The following GHR variants were observed in gnomAD, a reference collection of about 807,000 sequenced individuals.
GHR encodes the protein GH receptor.
In GHR, 35 loss-of-function variants were observed where a neutral mutation model predicts 67.1. The ratio of observed to expected loss-of-function variants is 0.52; its 90% CI spans 0.40 to 0.69. The LOEUF is 0.69. Among genes scored for constraint, GHR ranks in the 30% least tolerant of loss-of-function variants. GHR has a pLI of 0.00. For missense variants in GHR, 792 were observed against 764.6 expected, an observed-to-expected ratio of 1.04 and a Z score of -0.42; for synonymous variants, 272 against 269.1, an observed-to-expected ratio of 1.01 and a Z score of -0.10.
At chr5:42,592,866 T>C (rs949137107) in intron 2 of GHR, among the ~76,000 whole-genome samples, 3 of 152,236 alleles carry the variant, frequency 2.0e-5, no homozygotes, top group African/African-American at 7.2e-5. Flanking sequence ...ACAAGCAATA[T>C]AAATATTCCT....
chr5:42,440,906 G>A (rs909988487), intron 1 of GHR, among the ~76,000 whole-genome samples: 12 of 152,192 alleles, frequency 7.9e-5, no homozygotes, highest in African/African-American at 2.9e-4. Flanking sequence ...ACACTAGAGG[G>A]AGACCAGGTA....
chr5:42,554,601 T>G (rs1430705651), intron 1 of GHR, among the ~76,000 whole-genome samples: 1 of 152,168 alleles, frequency 6.6e-6, no homozygotes, highest in Non-Finnish European at 1.5e-5. Flanking sequence ...CCGCTTGGAC[T>G]TCTACTACCT....
chr5:42,646,381 T>C, intron 3 of GHR: 1 of 454,234 alleles, frequency 2.2e-6, no homozygotes, highest in Non-Finnish European at 4.4e-6. Flanking sequence ...TCAGTCTGGC[T>C]CACTGGGTGA....
intron 7 of GHR, among the ~76,000 whole-genome samples, chr5:42,712,387 A>T (rs982294368): frequency 1.3e-5 from 2 of 152,136 alleles, no homozygotes; most frequent in Non-Finnish European, 2.9e-5. Flanking sequence ...CACTTAACAT[A>T]TATTTTTTAA....
chr5:42,497,498 T>C (rs1292957821), intron 1 of GHR, among the ~76,000 whole-genome samples: 1 of 152,182 alleles, frequency 6.6e-6, no homozygotes. Context: ...CAATGTCCTT[T>C]TAAGCAAGGA....
intron 3 of GHR, among the ~76,000 whole-genome samples, chr5:42,674,250 G>A (rs930857194): frequency 6.6e-6 from 1 of 152,174 alleles, no homozygotes; most frequent in South Asian, 2.1e-4. Context: ...AACTGAAAAA[G>A]TGACTGTCCA....
intron 1 of GHR, among the ~76,000 whole-genome samples, chr5:42,536,504 G>T (rs1413562666): frequency 6.6e-6 from 1 of 151,972 alleles, no homozygotes; most frequent in Non-Finnish European, 1.5e-5. Context: ...CTGTGCCCCT[G>T]GTATGAAACC....
chr5:42,453,997 A>G (rs1394253499), intron 1 of GHR, among the ~76,000 whole-genome samples: 1 of 152,118 alleles, frequency 6.6e-6, no homozygotes, highest in Non-Finnish European at 1.5e-5. Flanking sequence ...TGATTCCTTG[A>G]TGTGGTGTTC....
At chr5:42,662,377 G>GA (rs1177770751) in intron 3 of GHR, among the ~76,000 whole-genome samples, 10 of 151,842 alleles carry the variant, frequency 6.6e-5, no homozygotes, top group Admixed American at 2.0e-4. Context: ...TCAGCAAATG[G>GA]AAAAAAACAG....
At chr5:42,605,087 C>A (rs567410242) in intron 2 of GHR, among the ~76,000 whole-genome samples, 6 of 140,454 alleles carry the variant, frequency 4.3e-5, no homozygotes, top group Admixed American at 1.4e-4. Context: ...ATTTGTGGTG[C>A]CTCTTTTTTT....
At chr5:42,625,525 G>A (rs1753657553) in intron 2 of GHR, among the ~76,000 whole-genome samples, 1 of 152,122 alleles carries the variant, frequency 6.6e-6, no homozygotes, top group Non-Finnish European at 1.5e-5. Context: ...GAGGTCCTGA[G>A]AACATGTGCC....
At chr5:42,482,167 G>T (rs1745671604) in intron 1 of GHR, among the ~76,000 whole-genome samples, 1 of 152,182 alleles carries the variant, frequency 6.6e-6, no homozygotes, top group Admixed American at 6.5e-5. Flanking sequence ...GTTTGCCTGG[G>T]TATCAGCAGC....
At chr5:42,501,429 A>G (rs922239506) in intron 1 of GHR, among the ~76,000 whole-genome samples, 2 of 152,128 alleles carry the variant, frequency 1.3e-5, no homozygotes, top group Non-Finnish European at 2.9e-5. Flanking sequence ...TGAGACCCCA[A>G]AGACAAAGAT....
At position 42,424,535 on chromosome 5, in the gene GHR, C is replaced by T. The variant is rs1156557383; in HGVS notation, c.-12+580C>T. On this transcript the variant is annotated intron_variant, in intron 1 of 9. Transcript: ENST00000230882. The surrounding 1 kb of genome is among the most constrained non-coding windows in gnomAD (Gnocchi z 4.1). The stretch of plus-strand genomic sequence containing the variant: ...TTTGCGCGTTTGTGCGGGCCGCAGC[C>T]GCACGTTGGCACCGATGGAACTGGG... 2.6e-6 allele frequency: 4 copies of T among 1,510,782 alleles called. No individual in the cohort carries two copies. The Admixed American group carries it at 7.9e-5, about 30-fold the overall frequency. 93.6% of individuals were successfully genotyped at this position (1,510,782 alleles called of 1,614,324 possible). A position where few individuals can be genotyped will look rare whatever the true frequency, so the allele number is the denominator to read the frequency against.
chr5:42,531,640 G>T (rs1487022981), intron 1 of GHR, among the ~76,000 whole-genome samples: 1 of 152,114 alleles, frequency 6.6e-6, no homozygotes, highest in Non-Finnish European at 1.5e-5. Flanking sequence ...TCCACCTTTT[G>T]CTGCCTTTTA....
intron 3 of GHR, among the ~76,000 whole-genome samples, chr5:42,653,123 A>G (rs1755089003): frequency 6.6e-6 from 1 of 152,148 alleles, no homozygotes; most frequent in Admixed American, 6.6e-5. Context: ...GTGCCCAATA[A>G]ACATTGGCTC....
At chr5:42,677,988 CTGAT>C (rs1228238490) in intron 3 of GHR, among the ~76,000 whole-genome samples, 1 of 152,172 alleles carries the variant, frequency 6.6e-6, no homozygotes, top group East Asian at 1.9e-4. Flanking sequence ...ACAATCACAA[CTGAT>C]TGTGAGGATG....
intron 3 of GHR, among the ~76,000 whole-genome samples, chr5:42,670,705 G>C (rs1756230533): frequency 6.6e-6 from 1 of 151,892 alleles, no homozygotes; most frequent in Non-Finnish European, 1.5e-5. Context: ...TTAAAATATA[G>C]GGATAGCATT....
chr5:42,572,464 A>G (rs1373624529), intron 2 of GHR, among the ~76,000 whole-genome samples: 1 of 152,216 alleles, frequency 6.6e-6, no homozygotes, highest in Non-Finnish European at 1.5e-5. Context: ...AGTTAGCAGC[A>G]TGAAGACGGT....
Sources: gnomAD v4.1 joint callset for allele counts (sites outside exome capture counted in the v4.1 genomes callset) on GRCh38, gnomAD v4.1.1 for gene constraint, Gnocchi (gnomAD v3.1) non-coding constraint, MANE v1.5 for transcripts, NCBI Gene and HGNC (gene_info 2026-07-23, HGNC 2026-07-21) for gene names.